Variants in CACNA1H observed in about 807,000 individuals in gnomAD.
CACNA1H encodes voltage-dependent T-type calcium channel subunit alpha-1H.
A neutral mutation model predicts 192.5 loss-of-function variants in CACNA1H; 149 were observed. The ratio of observed to expected loss-of-function variants is 0.77; its 90% CI spans 0.68 to 0.89. CACNA1H has a LOEUF of 0.89. Ranked by LOEUF, CACNA1H falls within the 40% of genes least tolerant of loss-of-function variation. The pLI, the probability that CACNA1H is intolerant of heterozygous loss-of-function variation, is 0.00. For missense variants in CACNA1H, 4,257 were observed against 3,423.5 expected, an observed-to-expected ratio of 1.24 and a Z score of -6.08; for synonymous variants, 2,202 against 1,475.2, an observed-to-expected ratio of 1.49 and a Z score of -11.29.
At position 1,180,462 on chromosome 16, in the gene CACNA1H, G is replaced by A. The variant is rs1312892147; in HGVS notation, c.300-14510G>A. Reference sequence around the variant, plus strand: ...GAAATCCCCAGTGGTGGGACTGGAGGTGCCGTGGAGGGTGGGCCTGTGTCC... The same window carrying A: ...GAAATCCCCAGTGGTGGGACTGGAGATGCCGTGGAGGGTGGGCCTGTGTCC... On this transcript the variant is annotated intron_variant, in intron 2 of 34. Transcript: ENST00000348261. The surrounding 1 kb of genome is among the most constrained non-coding windows in gnomAD (Gnocchi z 4.4). Among the ~76,000 whole-genome samples, 1 of 152,178 alleles carries A rather than the reference G, an allele frequency of 6.6e-6. No individual in the cohort carries two copies. Among genetic ancestry groups the A allele is most frequent in the Non-Finnish European group, 1.5e-5 (1 of 68,018 alleles).
rs1416301639 is a variant in CACNA1H, at chr16:1,180,534, C to T, written c.300-14438C>T. Among the ~76,000 whole-genome samples the T allele has an allele frequency of 6.6e-6, 1 of 152,186 alleles. No homozygotes were observed. Among genetic ancestry groups the T allele is most frequent in the African/African-American group, 2.4e-5 (1 of 41,450 alleles). On this transcript the variant is annotated intron_variant, in intron 2 of 34. Transcript: ENST00000348261. The surrounding 1 kb of genome is among the most constrained non-coding windows in gnomAD (Gnocchi z 4.4). ...ACCCCCTCCGAGGCACAGCCACAGTCTCTGGGTCCTGAGCAGGGGCTGCAG... is the reference window on the plus strand; with the variant it reads ...ACCCCCTCCGAGGCACAGCCACAGTTTCTGGGTCCTGAGCAGGGGCTGCAG...
chr16:1,186,238 C>T (rs1479484789), intron 2 of CACNA1H, among the ~76,000 whole-genome samples: 1 of 151,822 alleles, frequency 6.6e-6, no homozygotes, highest in Admixed American at 6.6e-5. Flanking sequence ...TTGGGGAGAG[C>T]CTGTTTCCTT....
chr16:1,202,277 C>G lies in CACNA1H; in HGVS notation c.1827C>G (p.Gly609=). Residue 609 remains glycine (G), a synonymous_variant, in exon 9 of 35, where the codon GGC becomes GGG. Coordinates refer to ENST00000348261, the MANE Select transcript of CACNA1H (RefSeq NM_021098.3). The part of the protein sequence containing the change: ...AASLRLATGL[G]TMNYPTILPS... ...GCCTCAGACTGGCCACAGGGCTGGG[C>G]ACCATGAACTACCCCACGATCCTGC... is the stretch of plus-strand genomic sequence containing the variant. The G allele has an allele frequency of 3.2e-6, 5 of 1,580,838 alleles. 1 individual carries two copies. In the South Asian group the frequency reaches 5.8e-5, roughly 18 times the overall value.
intron 12 of CACNA1H, chr16:1,206,724 C>T (rs1406761671): frequency 2.5e-5 from 12 of 478,088 alleles, no homozygotes; most frequent in Middle Eastern, 1.1e-3. Context: ...TCCCAGGTTC[C>T]AGTTGCCACC....
Position 1,210,787 on chromosome 16 carries a change from G to T in CACNA1H, c.4039G>T (p.Val1347Leu). The T allele has an allele frequency of 6.2e-7, 1 of 1,600,454 alleles. No individual in the cohort carries two copies. Among genetic ancestry groups the T allele is most frequent in the South Asian group, 1.1e-5 (1 of 91,054 alleles). Residue 1347 changes from valine to leucine, a missense_variant and splice_region_variant, in exon 21 of 35, where the codon GTG (valine) becomes TTG (leucine). Val to Leu is a conservative substitution (Grantham distance 32, BLOSUM62 1). Transcript: ENST00000348261. The part of the protein sequence containing the change: ...AIFVAEMMVK[V>L]VALGLLSGEH... ...GCTCAGTGCCATTGGCCCTCCGCAG[G>T]TGGTGGCCCTGGGGCTGCTGTCCGG...
At chr16:1,157,529 G>C (rs998203866) in intron 2 of CACNA1H, 66 of 152,256 alleles carry the variant, frequency 4.3e-4, no homozygotes, top group African/African-American at 1.5e-3. Context: ...GCGTCCCCCG[G>C]GAGTGTGAGA....
At chr16:1,177,336 G>A (rs1005496253) in intron 2 of CACNA1H, among the ~76,000 whole-genome samples, 6 of 152,306 alleles carry the variant, frequency 3.9e-5, no homozygotes, top group African/African-American at 4.8e-5. Flanking sequence ...TGCAGCCGCC[G>A]GCACCCTCGG....
At position 1,207,414 on chromosome 16, in the gene CACNA1H, A is replaced by C. The variant is rs774110481; in HGVS notation, c.3047A>C (p.Glu1016Ala). 6.2e-7 allele frequency: 1 copy of C among 1,612,774 alleles called. No individual in the cohort carries two copies. The highest frequency in any genetic ancestry group is 1.1e-5 in the South Asian group (1 of 91,018). Reference protein sequence around the residue: ...LFNLLVAILVEGFQAEGDANR... With the variant: ...LFNLLVAILVAGFQAEGDANR... ...AACCTGCTGGTGGCCATCCTCGTGGAGGGCTTCCAGGCGGAGGTGAGGGGG... is the reference window on the plus strand; with the variant it reads ...AACCTGCTGGTGGCCATCCTCGTGGCGGGCTTCCAGGCGGAGGTGAGGGGG... Residue 1016 changes from glutamate (E) to alanine (A), a missense_variant, in exon 14 of 35, where the codon GAG (glutamate) becomes GCG (alanine). Coordinates refer to ENST00000348261, the MANE Select transcript of CACNA1H (RefSeq NM_021098.3).
rs534649086 is a variant in CACNA1H, at chr16:1,220,661, C to T, written c.6729C>T (p.Asp2243=). The change falls in exon 35 of 35, where the codon GAC becomes GAT. Residue 2243 remains aspartate, a synonymous_variant. Transcript: ENST00000348261. The part of the protein sequence containing the change: ...EPTEGSGAGG[D]PAAKGERWGQ... ...CAGAGGGCTCAGGCGCCGGGGGGGA[C>T]CCTGCAGCCAAGGGGGAGCGCTGGG... The T allele has an allele frequency of 6.2e-7, 1 of 1,606,572 alleles. No homozygotes were observed. The highest frequency in any genetic ancestry group is 8.5e-7 in the Non-Finnish European group (1 of 1,176,886).
chr16:1,205,248 C>T lies in CACNA1H; in HGVS notation c.2586C>T (p.Gly862=), dbSNP rs777316218. Residue 862 remains glycine, a synonymous_variant, in exon 11 of 35, where the codon GGC becomes GGT. Transcript: ENST00000348261. ...YIRNPYNIFD[G]IIVVISVWEI... ...GGAACCCGTACAACATCTTCGACGGCATCATCGTGGTCATCAGGTGGGTCC... is the reference window on the plus strand; with the variant it reads ...GGAACCCGTACAACATCTTCGACGGTATCATCGTGGTCATCAGGTGGGTCC... 2.5e-6 allele frequency: 4 copies of T among 1,608,042 alleles called. No individual in the cohort carries two copies. The highest frequency in any genetic ancestry group is 2.2e-5 in the East Asian group (1 of 44,706).
rs191783113 is a variant in CACNA1H at position 1,206,099 on chromosome 16, C to T, written c.2604-5C>T. 1.9e-4 allele frequency: 295 copies of T among 1,566,408 alleles called. No homozygotes were observed. Among genetic ancestry groups the T allele is most frequent in the Middle Eastern group, 3.7e-4 (2 of 5,436 alleles). On this transcript the variant is annotated splice_region_variant and splice_polypyrimidine_tract_variant and intron_variant, in intron 11 of 34. Coordinates refer to ENST00000348261, the MANE Select transcript of CACNA1H (RefSeq NM_021098.3). ...CCGCTGACCCTCGCCCCCACCTGTC[C>T]GCAGCGTCTGGGAGATCGTGGGGCA...
At chr16:1,207,930 C>T in intron 15 of CACNA1H, 70 bp downstream of exon 15, 5 of 1,543,350 alleles carry the variant, frequency 3.2e-6, no homozygotes, top group Non-Finnish European at 4.4e-6. Context: ...GCAGGGCCCC[C>T]ATAAGGCAAT....
chr16:1,190,426 C>T (rs1457365097), intron 2 of CACNA1H, among the ~76,000 whole-genome samples: 1 of 152,258 alleles, frequency 6.6e-6, no homozygotes, highest in Non-Finnish European at 1.5e-5. Flanking sequence ...GAGGGCCAGC[C>T]TGCTCAGCCC....
intron 34 of CACNA1H, among the ~76,000 whole-genome samples, chr16:1,219,462 G>A (rs1361860805): frequency 1.3e-5 from 2 of 152,182 alleles, no homozygotes; most frequent in Non-Finnish European, 2.9e-5. Context: ...GGCCCACGGC[G>A]GGCAGATGGC....
At chr16:1,214,068 G>C in intron 27 of CACNA1H, 137 bp downstream of exon 27, 1 of 756,724 alleles carries the variant, frequency 1.3e-6, no homozygotes, top group Non-Finnish European at 2.2e-6. Flanking sequence ...GGTTTTGTGT[G>C]AACACGGGTC....
rs766316929 is a variant in CACNA1H at position 1,205,152 on chromosome 16, C to T, written c.2490C>T (p.Ile830=). ...CTAATGCTCTGGAGATCAGCAACAT[C>T]GTGTTCACCAGCATGTTTGCCCTGG... ...ELTNALEISN[I]VFTSMFALEM... Residue 830 remains isoleucine (I), a synonymous_variant, in exon 11 of 35, where the codon ATC becomes ATT. Coordinates refer to ENST00000348261, the MANE Select transcript of CACNA1H (RefSeq NM_021098.3). The T allele has an allele frequency of 2.0e-5, 33 of 1,612,742 alleles. No homozygotes were observed. The South Asian group carries it at 2.5e-4, about 12-fold the overall frequency.
intron 2 of CACNA1H, chr16:1,157,139 G>C (rs185916449): frequency 6.6e-6 from 1 of 152,166 alleles, no homozygotes; most frequent in Non-Finnish European, 1.5e-5. Context: ...CGGACGGGGC[G>C]GGGCCCCCGG....
chr16:1,164,534 T>C (rs1309707241), intron 2 of CACNA1H, among the ~76,000 whole-genome samples: 1 of 152,202 alleles, frequency 6.6e-6, no homozygotes, highest in African/African-American at 2.4e-5. Flanking sequence ...CTGAGATGGC[T>C]GCTAAGTGGC....
chr16:1,221,695 C>G lies in CACNA1H; in HGVS notation c.*701C>G, dbSNP rs533381258. 420 of 1,258,068 alleles carry G rather than the reference C, an allele frequency of 3.3e-4. 11 individuals carry two copies. The South Asian group carries it at 5.8e-3, about 17-fold the overall frequency. The allele number at this position is 1,258,068 out of a possible 1,614,324, so 77.9% of individuals were successfully genotyped here. On this transcript the variant is annotated 3_prime_UTR_variant, in exon 35 of 35. Transcript: ENST00000348261. Reference sequence around the variant, plus strand: ...AATTCAGGTTAAATGTTGCAATAATCTGATGCAGAAGACTCAGCTTCTCAA... The same window carrying G: ...AATTCAGGTTAAATGTTGCAATAATGTGATGCAGAAGACTCAGCTTCTCAA...
Sources: allele counts gnomAD v4.1 joint callset (sites outside exome capture counted in the v4.1 genomes callset), GRCh38; gene constraint gnomAD v4.1.1; non-coding constraint Gnocchi (gnomAD v3.1); transcripts MANE v1.5; gene names NCBI Gene and HGNC (gene_info 2026-07-23, HGNC 2026-07-21).